The following ETV5 variants were observed in gnomAD, a reference collection of about 807,000 sequenced individuals.
ETV5 encodes ETS variant transcription factor 5.
Under a neutral mutation model 70.0 loss-of-function variants are expected in ETV5, and 10 were observed. The observed-to-expected ratio is 0.14, with a 90% CI of 0.09 to 0.24. The LOEUF (loss-of-function observed/expected upper bound fraction) is 0.24. Among genes scored for constraint, ETV5 ranks in the 10% least tolerant of loss-of-function variants. The pLI is 1.00. For synonymous variants in ETV5, 216 were observed against 242.2 expected, an observed-to-expected ratio of 0.89 and a Z score of 1.01; for missense variants, 453 against 651.2, an observed-to-expected ratio of 0.70 and a Z score of 3.31.
At chr3:186,103,680 CTTTA>C (rs1714521524) in intron 5 of ETV5, among the ~76,000 whole-genome samples, 6 of 149,236 alleles carry the variant, frequency 4.0e-5, no homozygotes, top group South Asian at 2.1e-4. Flanking sequence ...CTTGGATTAT[CTTTA>C]TTTAGTCTTT....
At position 186,105,227 on chromosome 3, in the gene ETV5, A is replaced by G. The variant is rs1252803707; in HGVS notation, c.232+78T>C. 1.6e-6 allele frequency: 2 copies of G among 1,288,750 alleles called. No individual in the cohort carries two copies. Among genetic ancestry groups the G allele is most frequent in the Admixed American group, 4.2e-5 (2 of 47,698 alleles). 79.8% of individuals were successfully genotyped at this position (1,288,750 alleles called of 1,614,324 possible). ...CTGTCTAAATCTGGCCATAGCTGAA[A>G]AAAGCATATTCTAGACATGGATGAT... is the stretch of plus-strand genomic sequence containing the variant. On this transcript the variant is annotated intron_variant, in intron 5 of 12. Coordinates refer to ENST00000306376, the MANE Select transcript of ETV5 (RefSeq NM_004454.3). This position sits in a 1 kb window ranked among gnomAD's most constrained non-coding sequence, Gnocchi z 4.5.
At position 186,057,595 on chromosome 3, in the gene ETV5, T is replaced by C. The variant is rs542532959; in HGVS notation, c.971-104A>G. 1.4e-3 allele frequency: 1,359 copies of C among 960,484 alleles called. 4 individuals carry two copies. Among genetic ancestry groups the C allele is most frequent in the Non-Finnish European group, 1.9e-3 (1,151 of 596,724 alleles). 59.5% of individuals were successfully genotyped at this position (960,484 alleles called of 1,614,324 possible). A position where few individuals can be genotyped will look rare whatever the true frequency, so the allele number is the denominator to read the frequency against. On this transcript the variant is annotated intron_variant, in intron 9 of 12. Transcript: ENST00000306376. The surrounding 1 kb of genome is among the most constrained non-coding windows in gnomAD (Gnocchi z 4.9). ...AGTGCAATCCTATCATTTCAGATCC[T>C]AAGTCCTACTGCTGTATCTATGGCA...
rs188840405 is a variant in ETV5 at position 186,059,105 on chromosome 3, T to C, written c.971-1614A>G. ...GCCAAGGTATAATTTCACCATTCTTTGTTTCTTCAGTCAACCCAGATCAAG... is the reference window on the plus strand; with the variant it reads ...GCCAAGGTATAATTTCACCATTCTTCGTTTCTTCAGTCAACCCAGATCAAG... On this transcript the variant is annotated intron_variant, in intron 9 of 12. Coordinates refer to ENST00000306376, the MANE Select transcript of ETV5 (RefSeq NM_004454.3). Among the ~76,000 whole-genome samples, 5 of 152,266 alleles carry C rather than the reference T, an allele frequency of 3.3e-5. No individual in the cohort carries two copies. In the East Asian group the frequency reaches 7.7e-4, roughly 23 times the overall value.
rs1713035325 is a variant in ETV5 at position 186,051,657 on chromosome 3, G to T, written c.1311+373C>A. ...AGGTCTAGGTGTTTTAATAACTAAAGACTTCAATCAAGCTGTTGAAGTAGA... is the reference window on the plus strand; with the variant it reads ...AGGTCTAGGTGTTTTAATAACTAAATACTTCAATCAAGCTGTTGAAGTAGA... On this transcript the variant is annotated intron_variant, in intron 12 of 12. Transcript: ENST00000306376. Among the ~76,000 whole-genome samples the T allele has an allele frequency of 2.6e-5, 4 of 152,190 alleles. No homozygotes were observed. In the South Asian group the frequency reaches 8.3e-4, roughly 32 times the overall value.
chr3:186,098,675 C>T (rs1246383731), intron 5 of ETV5, among the ~76,000 whole-genome samples: 2 of 152,126 alleles, frequency 1.3e-5, no homozygotes, highest in Non-Finnish European at 2.9e-5. Context: ...TTTTCCAAAC[C>T]TTCAATAATC....
intron 7 of ETV5, chr3:186,078,034 G>A (rs755286879): frequency 5.7e-6 from 6 of 1,057,828 alleles, no homozygotes; most frequent in Non-Finnish European, 5.7e-6. Flanking sequence ...AACACCCACG[G>A]GCAAATAACT....
At chr3:186,085,905 T>A (rs1714046825) in intron 5 of ETV5, among the ~76,000 whole-genome samples, 1 of 152,166 alleles carries the variant, frequency 6.6e-6, no homozygotes, top group South Asian at 2.1e-4. Context: ...AACATTCTGC[T>A]CATTCAGACA....
chr3:186,056,662 A>T (rs145710249), intron 11 of ETV5, among the ~76,000 whole-genome samples: 1 of 152,326 alleles, frequency 6.6e-6, no homozygotes, highest in African/African-American at 2.4e-5. Flanking sequence ...TGTATCCTGT[A>T]ATATATTGTC....
Position 186,065,951 on chromosome 3 carries a change from G to A in ETV5, c.772C>T (p.Pro258Ser). ...TATTCTTGTTTGAATCCCTGAGGGG[G>A]CGGGGGAGCTGCAGGGACAATAGGT... ...SEPIVPAAPPPPQGFKQEYHD... is the reference protein window; with the variant it reads ...SEPIVPAAPPSPQGFKQEYHD... Residue 258 changes from proline (P) to serine (S), a missense_variant, in exon 8 of 13, where the codon CCC becomes TCC. By Grantham distance (74) the Pro-to-Ser change is moderately conservative. Coordinates refer to ENST00000306376, the MANE Select transcript of ETV5 (RefSeq NM_004454.3). 1 of 1,612,310 alleles carries A rather than the reference G, an allele frequency of 6.2e-7. No individual in the cohort carries two copies. The highest frequency in any genetic ancestry group is 8.5e-7 in the Non-Finnish European group (1 of 1,179,132).
Position 186,054,648 on chromosome 3 carries a change from T to C in ETV5, c.1209+2427A>G, listed in dbSNP as rs923801975. On this transcript the variant is annotated intron_variant, in intron 11 of 12. Transcript: ENST00000306376. The surrounding 1 kb of genome is among the most constrained non-coding windows in gnomAD (Gnocchi z 4.4). Reference sequence around the variant, plus strand: ...GGATATTATGGATAATTACCCAGAGTGCACTACTCAGCCACACAGCTGCCT... The same window carrying C: ...GGATATTATGGATAATTACCCAGAGCGCACTACTCAGCCACACAGCTGCCT... 6.6e-6 allele frequency among the ~76,000 whole-genome samples: 1 copy of C among 152,036 alleles called. No homozygotes were observed. Among genetic ancestry groups the C allele is most frequent in the African/African-American group, 2.4e-5 (1 of 41,380 alleles).
chr3:186,108,501 T>C, intron 1 of ETV5: 1 of 1,285,590 alleles, frequency 7.8e-7, no homozygotes, highest in Non-Finnish European at 1.0e-6. Flanking sequence ...GCAGCGCCTC[T>C]CAGACATTCC....
chr3:186,108,485 TG>T (rs573872649), intron 1 of ETV5: 4 of 1,280,812 alleles, frequency 3.1e-6, no homozygotes, highest in Non-Finnish European at 3.1e-6. Context: ...CCCGGTGCTC[TG>T]GGGGGCAGCG....
intron 1 of ETV5, among the ~76,000 whole-genome samples, chr3:186,107,909 G>A (rs1160834659): frequency 1.4e-5 from 2 of 146,082 alleles, no homozygotes; most frequent in Non-Finnish European, 3.0e-5. Context: ...CTGCGCCCCC[G>A]CCCCCATTTC....
chr3:186,103,637 ACACACACACAC>A (rs1714519032), intron 5 of ETV5, among the ~76,000 whole-genome samples: 1 of 136,234 alleles, frequency 7.3e-6, no homozygotes, highest in African/African-American at 2.9e-5. Flanking sequence ...ACACACACAC[ACACACACACAC>A]ACACACACAC....
intron 7 of ETV5, among the ~76,000 whole-genome samples, chr3:186,070,961 C>G (rs1713617111): frequency 6.6e-6 from 1 of 152,202 alleles, no homozygotes; most frequent in Admixed American, 6.5e-5. Context: ...AGCAAAGGGA[C>G]TTCTGACTCC....
intron 12 of ETV5, among the ~76,000 whole-genome samples, chr3:186,049,782 T>C (rs910603416): frequency 6.6e-6 from 1 of 152,178 alleles, no homozygotes; most frequent in African/African-American, 2.4e-5. Flanking sequence ...CCACCTCTAG[T>C]TAGTGTTGTA....
chr3:186,100,819 A>G (rs892432690), intron 5 of ETV5, among the ~76,000 whole-genome samples: 1 of 152,246 alleles, frequency 6.6e-6, no homozygotes, highest in African/African-American at 2.4e-5. Flanking sequence ...CTCTCTACTC[A>G]GCATAAAATA....
At chr3:186,108,472 C>A (rs939310730) in intron 1 of ETV5, 2 of 1,267,654 alleles carry the variant, frequency 1.6e-6, no homozygotes, top group African/African-American at 3.1e-5. Flanking sequence ...TCATTTACCC[C>A]CTCCCGGTGC....
At chr3:186,073,156 A>C (rs1043060280) in intron 7 of ETV5, among the ~76,000 whole-genome samples, 9 of 152,164 alleles carry the variant, frequency 5.9e-5, no homozygotes, top group Non-Finnish European at 1.3e-4. Flanking sequence ...CAAAACAAAA[A>C]ATATTAGTGT....
Sources: gnomAD v4.1 joint callset for allele counts (sites outside exome capture counted in the v4.1 genomes callset) on GRCh38, gnomAD v4.1.1 for gene constraint, Gnocchi (gnomAD v3.1) non-coding constraint, MANE v1.5 for transcripts, NCBI Gene and HGNC (gene_info 2026-07-23, HGNC 2026-07-21) for gene names.